IBTK: variants seen among roughly 807,000 people sequenced by gnomAD.
IBTK encodes the protein BTK-binding protein.
Under a neutral mutation model 154.9 loss-of-function variants are expected in IBTK, and 83 were observed. The observed-to-expected ratio is 0.54, with a 90% CI of 0.45 to 0.64. The LOEUF (loss-of-function observed/expected upper bound fraction) is 0.64, where lower values mean the gene tolerates loss of function less well. IBTK is among the 30% of genes least tolerant of loss of function. IBTK has a pLI of 0.00. For synonymous variants in IBTK, 515 were observed against 536.1 expected, an observed-to-expected ratio of 0.96 and a Z score of 0.54; for missense variants, 1,332 against 1,584.6, an observed-to-expected ratio of 0.84 and a Z score of 2.71.
chr6:82,232,251 G>A (rs964733585), intron 3 of IBTK, among the ~76,000 whole-genome samples: 5 of 151,926 alleles, frequency 3.3e-5, no homozygotes, highest in Non-Finnish European at 7.4e-5. Flanking sequence ...AAACACCACC[G>A]GCCATATCTA....
chr6:82,214,873 G>A, intron 11 of IBTK, 44 bp from the exon 12 acceptor site: 2 of 1,497,828 alleles, frequency 1.3e-6, no homozygotes, highest in Non-Finnish European at 1.8e-6. Flanking sequence ...AAAATATGAA[G>A]GAAATCCTTT....
chr6:82,218,232 A>G, intron 9 of IBTK, 95 bp from the exon 10 acceptor site: 1 of 817,942 alleles, frequency 1.2e-6, no homozygotes, highest in East Asian at 3.1e-5. Context: ...TGCTGTTAAA[A>G]TAAAAGCTCT....
At chr6:82,188,400 T>C (rs1768632947) in intron 25 of IBTK, among the ~76,000 whole-genome samples, 1 of 152,216 alleles carries the variant, frequency 6.6e-6, no homozygotes, top group African/African-American at 2.4e-5. Context: ...TTCTTTTTCA[T>C]TACTCTGTAG....
intron 5 of IBTK, 77 bp downstream of exon 5, chr6:82,227,115 A>AC (rs372581069): frequency 9.2e-6 from 9 of 976,026 alleles, no homozygotes; most frequent in Non-Finnish European, 1.3e-5. Context: ...TTGAAAAAAA[A>AC]ATTTAGTTAA....
chr6:82,178,564 C>A (rs944114754), intron 26 of IBTK, among the ~76,000 whole-genome samples: 1 of 152,072 alleles, frequency 6.6e-6, no homozygotes, highest in Non-Finnish European at 1.5e-5. Context: ...CCAATACATG[C>A]CAGAAGCTAA....
chr6:82,213,045 TG>T (rs1443627288), intron 12 of IBTK, among the ~76,000 whole-genome samples: 7 of 149,178 alleles, frequency 4.7e-5, no homozygotes, highest in African/African-American at 1.5e-4. Context: ...TTTTTTTTTT[TG>T]AGACGAAGCC....
intron 1 of IBTK, among the ~76,000 whole-genome samples, chr6:82,245,617 G>A (rs573604469): frequency 1.3e-5 from 2 of 152,016 alleles, no homozygotes; most frequent in South Asian, 2.1e-4. Context: ...CACATTTGAA[G>A]CAGAAGGGAT....
In IBTK at chr6:82,204,950, T is replaced by G; in HGVS notation, c.2518A>C (p.Asn840His). The stretch of plus-strand genomic sequence containing the variant: ...AGAACACTACAAATAAAATCTACAT[T>G]TTGAGATTCTAAAAAAAGAAAGAAA... ...DEAVVIKESQNVDFICSVLVV... is the reference protein window; with the variant it reads ...DEAVVIKESQHVDFICSVLVV... Residue 840 changes from asparagine (N) to histidine (H), a missense_variant, in exon 17 of 29, where the codon AAT becomes CAT. Transcript: ENST00000306270. 1 of 1,583,438 alleles carries G rather than the reference T, an allele frequency of 6.3e-7. No individual in the cohort carries two copies. The highest frequency in any genetic ancestry group is 8.6e-7 in the Non-Finnish European group (1 of 1,161,868).
rs1769699888 is a variant in IBTK at position 82,212,729 on chromosome 6, G to T, written c.2269C>A (p.Leu757Met). The change falls in exon 13 of 29, where the codon CTG becomes ATG. Residue 757 changes from leucine to methionine, a missense_variant. By Grantham distance (15) the Leu-to-Met change is conservative (BLOSUM62 2). This residue lies in a region of IBTK where 1,134 missense variants were observed against 1,274.7 expected (regional missense o/e 0.89). Coordinates refer to ENST00000306270, the MANE Select transcript of IBTK (RefSeq NM_015525.4). ...TACCATTTTTTCTGACTTAGCTTCA[G>T]TTTATTACCAGTGTTCTTGGCAATA... ...NVIAKNTGNK[L>M]KLSQKKCSFL... is the part of the protein sequence containing the mutation. 6.3e-7 allele frequency: 1 copy of T among 1,594,828 alleles called. No individual in the cohort carries two copies. The highest frequency in any genetic ancestry group is 8.6e-7 in the Non-Finnish European group (1 of 1,162,936).
chr6:82,189,611 A>G (rs559020283), intron 25 of IBTK, among the ~76,000 whole-genome samples: 1 of 152,306 alleles, frequency 6.6e-6, no homozygotes, highest in Admixed American at 6.5e-5. Flanking sequence ...GCAAGACAAC[A>G]GTTAAAGAAA....
intron 2 of IBTK, among the ~76,000 whole-genome samples, chr6:82,237,036 C>A (rs1770742715): frequency 6.6e-6 from 1 of 152,108 alleles, no homozygotes; most frequent in Admixed American, 6.6e-5. Context: ...CTTCTATTAG[C>A]CAAGGTGGCT....
chr6:82,177,482 G>A (rs939473953), intron 26 of IBTK, among the ~76,000 whole-genome samples: 6 of 151,772 alleles, frequency 4.0e-5, no homozygotes, highest in East Asian at 3.9e-4. Flanking sequence ...GCACAATCTC[G>A]GCTCACCACA....
intron 3 of IBTK, among the ~76,000 whole-genome samples, chr6:82,232,931 T>A (rs1420168577): frequency 6.6e-6 from 1 of 152,026 alleles, no homozygotes; most frequent in African/African-American, 2.4e-5. Flanking sequence ...GGCAGACGGA[T>A]CACCTGAGGT....
At chr6:82,208,194 T>TATATATATATAAATATAGATATTATA (rs1234152937) in intron 16 of IBTK, among the ~76,000 whole-genome samples, 1 of 151,464 alleles carries the variant, frequency 6.6e-6, no homozygotes, top group African/African-American at 2.4e-5. Context: ...ATTATCTCTC[T>TATATATATATAAATATAGATATTATA]CTATATATAT....
chr6:82,201,472 C>A lies in IBTK; in HGVS notation c.2740G>T (p.Val914Phe), dbSNP rs750854775. Reference protein sequence around the residue: ...AALLEARSLDVLSDGVLKDLS... With the variant: ...AALLEARSLDFLSDGVLKDLS... ...TCCTTCAAAACACCATCGCTTAAAACATCAAGAGACCTAAAATATAGGATA... is the reference window on the plus strand; with the variant it reads ...TCCTTCAAAACACCATCGCTTAAAAAATCAAGAGACCTAAAATATAGGATA... The change falls in exon 19 of 29, where the codon GTT becomes TTT. Residue 914 changes from valine to phenylalanine, a missense_variant. Physicochemically the swap from Val to Phe is conservative, Grantham distance 50. Transcript: ENST00000306270. The A allele has an allele frequency of 7.5e-6, 12 of 1,603,800 alleles. No homozygotes were observed. The African/African-American group carries it at 1.5e-4, about 20-fold the overall frequency.
At chr6:82,173,560 A>G (rs182183613) in intron 26 of IBTK, 122 bp from the exon 27 acceptor site, 1 of 621,230 alleles carries the variant, frequency 1.6e-6, no homozygotes, top group Admixed American at 2.9e-5. Flanking sequence ...AAATGAGTGC[A>G]GTCAAGCTTA....
intron 26 of IBTK, among the ~76,000 whole-genome samples, chr6:82,179,842 T>C (rs1768245481): frequency 6.6e-6 from 1 of 152,162 alleles, no homozygotes; most frequent in Admixed American, 6.5e-5. Flanking sequence ...GGGAAGAATC[T>C]AGTTAAAAGG....
chr6:82,203,419 T>C (rs1298960016), intron 17 of IBTK, among the ~76,000 whole-genome samples: 1 of 152,190 alleles, frequency 6.6e-6, no homozygotes, highest in Non-Finnish European at 1.5e-5. Context: ...TACATCTGGC[T>C]TCTTGCATTT....
At chr6:82,237,632 CAGT>C (rs571702362) in intron 2 of IBTK, among the ~76,000 whole-genome samples, 4,848 of 144,538 alleles carry the variant, frequency 0.034, 108 homozygotes, top group Middle Eastern at 0.085. Context: ...GTAGTAGTAG[CAGT>C]AGTAGTAGTA....
Sources: allele counts gnomAD v4.1 joint callset (sites outside exome capture counted in the v4.1 genomes callset), GRCh38; gene constraint gnomAD v4.1.1; regional missense constraint gnomAD v4.1.1; transcripts MANE v1.5; gene names NCBI Gene and HGNC (gene_info 2026-07-23, HGNC 2026-07-21).